Variants in HEXB observed in about 807,000 individuals in gnomAD.
The protein encoded by HEXB is beta-hexosaminidase subunit beta.
Under a neutral mutation model 71.2 loss-of-function variants are expected in HEXB, and 51 were observed. That is an observed-to-expected ratio of 0.72 (90% CI 0.57 to 0.90). HEXB has a LOEUF of 0.90. Ranked by LOEUF, HEXB falls within the 40% of genes least tolerant of loss-of-function variation. The probability of loss-of-function intolerance (pLI) is 0.00; values close to 1 mark genes in which losing one functional copy is unlikely to be tolerated. For missense variants in HEXB, 617 were observed against 677.0 expected, an observed-to-expected ratio of 0.91 and a Z score of 0.98; for synonymous variants, 266 against 249.3, an observed-to-expected ratio of 1.07 and a Z score of -0.63.
At chr5:74,645,446 A>T (rs1040623257) in intron 1 of HEXB, among the ~76,000 whole-genome samples, 4 of 152,188 alleles carry the variant, frequency 2.6e-5, no homozygotes, top group Admixed American at 6.5e-5. Flanking sequence ...TTGTATTATG[A>T]TTTTTAATGG....
chr5:74,701,685 CCT>C (rs1394136536), intron 5 of HEXB, among the ~76,000 whole-genome samples: 2 of 151,916 alleles, frequency 1.3e-5, no homozygotes, highest in African/African-American at 4.8e-5. Flanking sequence ...GCAAAGAACT[CCT>C]ATATACTCTT....
At chr5:74,696,943 G>A in intron 4 of HEXB, 53 bp from the exon 5 acceptor site, 2 of 977,418 alleles carry the variant, frequency 2.0e-6, no homozygotes, top group Non-Finnish European at 3.3e-6. Context: ...TCTTCATTGA[G>A]TTCAAGACAA....
intron 6 of HEXB, among the ~76,000 whole-genome samples, chr5:74,709,364 A>G (rs1749482617): frequency 6.6e-6 from 1 of 152,050 alleles, no homozygotes. Flanking sequence ...TTGACACCCT[A>G]ACATCACAAT....
At chr5:74,670,420 G>A (rs144983555) in intron 1 of HEXB, among the ~76,000 whole-genome samples, 116 of 151,922 alleles carry the variant, frequency 7.6e-4, no homozygotes, top group African/African-American at 2.6e-3. Flanking sequence ...CACCCTCCTC[G>A]CCCTTCAATT....
intron 6 of HEXB, among the ~76,000 whole-genome samples, chr5:74,707,129 T>C (rs567054555): frequency 7.8e-4 from 119 of 152,222 alleles, no homozygotes; most frequent in African/African-American, 2.7e-3. Context: ...GCATTCACGG[T>C]TCACGAAAAA....
chr5:74,668,122 G>A (rs551219863), intron 1 of HEXB, among the ~76,000 whole-genome samples: 1 of 152,284 alleles, frequency 6.6e-6, no homozygotes, highest in South Asian at 2.1e-4. Flanking sequence ...TTACCTGATA[G>A]GGACAAGAAA....
At chr5:74,700,968 G>A (rs1009977786) in intron 5 of HEXB, among the ~76,000 whole-genome samples, 2 of 151,894 alleles carry the variant, frequency 1.3e-5, no homozygotes, top group Non-Finnish European at 2.9e-5. Context: ...TCAGCTTCCC[G>A]AAGTGCTGGG....
Position 74,706,513 on chromosome 5 carries a change from G to A in HEXB, c.771+1193G>A, listed in dbSNP as rs371505375. Among the ~76,000 whole-genome samples the A allele has an allele frequency of 2.6e-4, 39 of 152,326 alleles. No individual in the cohort carries two copies. In the East Asian group the frequency reaches 7.0e-3, roughly 27 times the overall value. On this transcript the variant is annotated intron_variant, in intron 6 of 13. Transcript: ENST00000261416. Reference sequence around the variant, plus strand: ...TGAGGCGTTGCCTCACTCGGGAAGCGCAAGGGGTCAGGGAGTTCCCTTTCC... The same window carrying A: ...TGAGGCGTTGCCTCACTCGGGAAGCACAAGGGGTCAGGGAGTTCCCTTTCC...
At chr5:74,711,677 G>T (rs1749545913) in intron 6 of HEXB, among the ~76,000 whole-genome samples, 1 of 151,992 alleles carries the variant, frequency 6.6e-6, no homozygotes. Context: ...AAAAACACAT[G>T]AAAAAATGCT....
In HEXB at chr5:74,690,952, A is replaced by G. The variant is rs900802274; in HGVS notation, c.445+1479A>G. On this transcript the variant is annotated intron_variant, in intron 2 of 13. Coordinates refer to ENST00000261416, the MANE Select transcript of HEXB (RefSeq NM_000521.4). The stretch of plus-strand genomic sequence containing the variant: ...ATGTGAAGTAGGTTTTGCAACCTGA[A>G]TTGAGATGGAAATGGTCATTACGTT... 5.9e-5 allele frequency among the ~76,000 whole-genome samples: 9 copies of G among 152,180 alleles called. No individual in the cohort carries two copies. The South Asian group carries it at 6.2e-4, about 11-fold the overall frequency.
At position 74,721,220 on chromosome 5, in the gene HEXB, CTT is replaced by C; in HGVS notation, c.*47_*48del. The stretch of plus-strand genomic sequence containing the variant: ...CCACAGCAATCTGTACTACAATCAA[CTT>C]TATTTTGAAATCATGTAAAATAAGA... On this transcript the variant is annotated 3_prime_UTR_variant, in exon 14 of 14. Coordinates refer to ENST00000261416, the MANE Select transcript of HEXB (RefSeq NM_000521.4). The C allele has an allele frequency of 7.1e-7, 1 of 1,405,168 alleles. No individual in the cohort carries two copies. Among genetic ancestry groups the C allele is most frequent in the Non-Finnish European group, 1.0e-6 (1 of 989,962 alleles). 87.0% of individuals were successfully genotyped at this position (1,405,168 alleles called of 1,614,324 possible). A position where few individuals can be genotyped will look rare whatever the true frequency, so the allele number is the denominator to read the frequency against.
intron 6 of HEXB, among the ~76,000 whole-genome samples, chr5:74,709,194 T>G (rs201426863): frequency 6.6e-6 from 1 of 152,212 alleles, no homozygotes; most frequent in African/African-American, 2.4e-5. Flanking sequence ...GAATGATTAC[T>G]GGGTACATAA....
In HEXB at chr5:74,718,820, A is replaced by G; in HGVS notation, c.1266A>G (p.Glu422=). 6.2e-7 allele frequency: 1 copy of G among 1,614,182 alleles called. No individual in the cohort carries two copies. The highest frequency in any genetic ancestry group is 8.5e-7 in the Non-Finnish European group (1 of 1,180,014). ...AGCTTGCGCCGGGCACAATAGTTGA[A>G]GTATGGAAAGACAGCGCATATCCTG... is the stretch of plus-strand genomic sequence containing the variant. ...KAKLAPGTIV[E]VWKDSAYPEE... Residue 422 remains glutamate, a synonymous_variant, in exon 11 of 14, where the codon GAA becomes GAG. Transcript: ENST00000261416.
intron 1 of HEXB, among the ~76,000 whole-genome samples, chr5:74,642,985 C>T (rs1037574067): frequency 6.6e-6 from 1 of 152,178 alleles, no homozygotes; most frequent in Non-Finnish European, 1.5e-5. Context: ...CGTATACATT[C>T]GCTTCATCTG....
intron 1 of HEXB, among the ~76,000 whole-genome samples, chr5:74,644,065 G>A (rs146552789): frequency 6.5e-4 from 99 of 152,332 alleles, no homozygotes; most frequent in African/African-American, 1.6e-3. Flanking sequence ...TGTCAAGTTC[G>A]TGTTGGGAAG....
At chr5:74,718,061 A>G (rs1030703626) in intron 9 of HEXB, among the ~76,000 whole-genome samples, 3 of 152,178 alleles carry the variant, frequency 2.0e-5, no homozygotes, top group African/African-American at 7.2e-5. Context: ...TAACTCATTC[A>G]TTCAGCAAAT....
chr5:74,676,693 G>C (rs1748636469), intron 1 of HEXB, among the ~76,000 whole-genome samples: 1 of 152,098 alleles, frequency 6.6e-6, no homozygotes, highest in Admixed American at 6.5e-5. Flanking sequence ...CTGAACCTGG[G>C]AGGCGGAGGT....
upstream of HEXB, chr5:74,685,158 C>G: frequency 7.9e-7 from 1 of 1,266,708 alleles, no homozygotes; most frequent in Non-Finnish European, 1.0e-6. Flanking sequence ...TCATCTGACT[C>G]GGTGACTCAC....
intron 5 of HEXB, among the ~76,000 whole-genome samples, chr5:74,702,067 C>CTTTTTTTTTTTT (rs60295789): frequency 5.0e-5 from 3 of 60,554 alleles, no homozygotes; most frequent in Non-Finnish European, 8.6e-5. Context: ...CTTTCCTTGT[C>CTTTTTTTTTTTT]TTTTTTTTTT....
Sources: gnomAD v4.1 joint callset for allele counts (sites outside exome capture counted in the v4.1 genomes callset) on GRCh38, gnomAD v4.1.1 for gene constraint, MANE v1.5 for transcripts, NCBI Gene and HGNC (gene_info 2026-07-23, HGNC 2026-07-21) for gene names.